The following OR7C1 variants were observed in gnomAD, a reference collection of about 807,000 sequenced individuals.
The protein encoded by OR7C1 is olfactory receptor 7C1.
For missense variants in OR7C1, 324 were observed against 383.3 expected (o/e 0.85, Z 1.29); for synonymous variants, 152 against 160.7 (o/e 0.95, Z 0.41).
At chr19:14,824,608 C>A (rs1262380976) in intron 1 of OR7C1, 2 of 152,114 alleles carry the variant, frequency 1.3e-5, no homozygotes, top group Non-Finnish European at 2.9e-5. Context: ...ACTACATTTT[C>A]TTTATCCAAT....
intron 1 of OR7C1, among the ~76,000 whole-genome samples, chr19:14,815,539 CTGTGG>C (rs2044712068): frequency 6.6e-6 from 1 of 152,218 alleles, no homozygotes; most frequent in Non-Finnish European, 1.5e-5. Context: ...GCTTCCCACT[CTGTGG>C]GATTGCCATC....
chr19:14,799,717 G>A, exon 5 of OR7C1: 1 of 1,614,126 alleles, frequency 6.2e-7, no homozygotes, highest in Non-Finnish European at 8.5e-7. Context: ...GCAGTCCACA[G>A]AGCTGGGGGT....
At chr19:14,828,322 A>G (rs2145078914) in intron 1 of OR7C1, 1 of 1,403,400 alleles carries the variant, frequency 7.1e-7, no homozygotes, top group Middle Eastern at 1.9e-4. Context: ...CAGAAATACC[A>G]TCATTTATAT....
chr19:14,801,595 G>A (rs186908829), intron 2 of OR7C1, among the ~76,000 whole-genome samples: 5 of 152,232 alleles, frequency 3.3e-5, no homozygotes, highest in Admixed American at 2.0e-4. Context: ...AGATAATACC[G>A]TGGCAGCTGT....
chr19:14,806,342 A>G lies in OR7C1; in HGVS notation c.-435+3464T>C, dbSNP rs2044666541. ...GACTGCTTTAAGAGAAACAGTCATT[A>G]ATGTATTTTATGCCTTCATGTCAGG... On this transcript the variant is annotated intron_variant, in intron 2 of 4. Transcript: ENST00000641666. Among the ~76,000 whole-genome samples the G allele has an allele frequency of 1.3e-5, 2 of 151,940 alleles. 1 individual carries two copies. The highest frequency in any genetic ancestry group is 4.9e-5 in the African/African-American group (2 of 41,214).
chr19:14,815,619 G>T (rs938723714), intron 1 of OR7C1, among the ~76,000 whole-genome samples: 1 of 152,130 alleles, frequency 6.6e-6, no homozygotes, highest in African/African-American at 2.4e-5. Context: ...ATAAATTGTG[G>T]GGGGTTTAAA....
intron 2 of OR7C1, among the ~76,000 whole-genome samples, chr19:14,803,387 T>C (rs985322810): frequency 2.0e-5 from 3 of 150,886 alleles, no homozygotes; most frequent in Non-Finnish European, 4.4e-5. Context: ...GGCTGCTCCA[T>C]CCTAATCTTC....
chr19:14,800,058 G>A (rs1478186517), exon 5 of OR7C1: 9 of 1,610,196 alleles, frequency 5.6e-6, no homozygotes, highest in East Asian at 2.2e-5. Flanking sequence ...AGCCCAAAGA[G>A]AATGAACTGA....
At position 14,799,825 on chromosome 19, in the gene OR7C1, GA is replaced by G. The variant is rs534928853; in HGVS notation, c.311del (p.Phe104SerfsTer12). ...AATTGTCCAGGCATCCAAATGAAGT[GA>G]AAAAAAAAATCTGACTGAGACAGCC... On this transcript the variant is annotated frameshift_variant, in exon 5 of 5. Coordinates refer to ENST00000641666, the Ensembl canonical transcript of OR7C1. LOFTEE classifies it low-confidence loss of function (END_TRUNC). 4,349 of 1,506,430 alleles carry G rather than the reference GA, an allele frequency of 2.9e-3. 55 individuals are homozygous for G. The South Asian group carries it at 0.03, about 10-fold the overall frequency. 93.3% of individuals were successfully genotyped at this position (1,506,430 alleles called of 1,614,324 possible).
chr19:14,806,247 T>C (rs1012489019), intron 2 of OR7C1, among the ~76,000 whole-genome samples: 6 of 151,942 alleles, frequency 3.9e-5, no homozygotes. Flanking sequence ...ATTTCAAGAA[T>C]CTAAAAATGT....
intron 1 of OR7C1, among the ~76,000 whole-genome samples, chr19:14,822,179 T>G (rs1023516004): frequency 1.3e-5 from 2 of 152,164 alleles, no homozygotes; most frequent in African/African-American, 4.8e-5. Context: ...AGTGCAGATA[T>G]CTCTTCAACA....
intron 1 of OR7C1, chr19:14,827,251 G>A: frequency 4.7e-6 from 7 of 1,503,678 alleles, no homozygotes; most frequent in Non-Finnish European, 6.2e-6. Flanking sequence ...AAGAATGACA[G>A]TTACTACCTC....
chr19:14,822,744 T>G (rs916127905), intron 1 of OR7C1, among the ~76,000 whole-genome samples: 1 of 152,150 alleles, frequency 6.6e-6, no homozygotes, highest in African/African-American at 2.4e-5. Context: ...GTGGTTATAA[T>G]GTACATTTCT....
chr19:14,822,166 G>A (rs773161754), intron 1 of OR7C1, among the ~76,000 whole-genome samples: 7 of 152,124 alleles, frequency 4.6e-5, no homozygotes, highest in Non-Finnish European at 8.8e-5. Flanking sequence ...CAACGAATGC[G>A]GAAGTGCAGA....
intron 1 of OR7C1, among the ~76,000 whole-genome samples, chr19:14,832,747 A>G (rs555845873): frequency 6.6e-6 from 1 of 152,164 alleles, no homozygotes; most frequent in South Asian, 2.1e-4. Context: ...TCATAAAAAG[A>G]TGTGACGATG....
intron 2 of OR7C1, among the ~76,000 whole-genome samples, chr19:14,802,387 G>A (rs1310401317): frequency 2.6e-5 from 4 of 152,198 alleles, no homozygotes; most frequent in Non-Finnish European, 5.9e-5. Flanking sequence ...GGGCGTGGTG[G>A]CACACGCCTG....
Position 14,809,621 on chromosome 19 carries a change from CAG to C in OR7C1, c.-435+183_-435+184del, listed in dbSNP as rs2044681914. ...AACAGAGATTGGAAGCAAGAAGAAA[CAG>C]AGATTGGAAGCAAGAACAGAGAGAG... On this transcript the variant is annotated intron_variant, in intron 2 of 4. Coordinates refer to ENST00000641666, the Ensembl canonical transcript of OR7C1. Among the ~76,000 whole-genome samples the C allele has an allele frequency of 2.0e-5, 3 of 151,598 alleles. No homozygotes were observed. In the South Asian group the frequency reaches 6.2e-4, roughly 31 times the overall value.
rs1219730256 is a variant in OR7C1, at chr19:14,799,765, C to T, written c.372G>A (p.Val124=). Residue 124 remains valine, a synonymous_variant, in exon 5 of 5, where the codon GTG becomes GTA. Coordinates refer to ENST00000641666, the Ensembl canonical transcript of OR7C1. ...TATAGTGCAGGGGGTGACAGACGGC[C>T]ACGAAGCGGTCATAGGCCATCACGG... The T allele has an allele frequency of 3.7e-6, 6 of 1,613,678 alleles. No individual in the cohort carries two copies. The South Asian group carries it at 5.5e-5, about 15-fold the overall frequency.
chr19:14,799,528 A>C, exon 5 of OR7C1: 1 of 1,614,236 alleles, frequency 6.2e-7, no homozygotes, highest in East Asian at 2.2e-5. Flanking sequence ...CCAGGACGCC[A>C]GTTGCAAAGT....
Sources: gnomAD v4.1 joint callset for allele counts (sites outside exome capture counted in the v4.1 genomes callset) on GRCh38, gnomAD v4.1.1 for gene constraint, MANE v1.5 for transcripts, NCBI Gene and HGNC (gene_info 2026-07-23, HGNC 2026-07-21) for gene names.